Variants in DSCAM observed in about 807,000 individuals in gnomAD.
DSCAM encodes the protein DS cell adhesion molecule.
A neutral mutation model predicts 217.7 loss-of-function variants in DSCAM; 47 were observed. That is an observed-to-expected ratio of 0.22 (90% CI 0.17 to 0.28). The LOEUF is 0.28. Ranked by LOEUF, DSCAM falls within the 10% of genes least tolerant of loss-of-function variation. The pLI, the probability that DSCAM is intolerant of heterozygous loss-of-function variation, is 1.00. For missense variants in DSCAM, 2,080 were observed against 2,618.3 expected (o/e 0.79, Z 4.49); for synonymous variants, 1,056 against 1,015.3 (o/e 1.04, Z -0.76).
intron 1 of DSCAM, among the ~76,000 whole-genome samples, chr21:40,730,094 C>T (rs372582465): frequency 7.9e-5 from 12 of 152,142 alleles, no homozygotes; most frequent in African/African-American, 2.4e-4. Context: ...AGCAGAAACC[C>T]GTAGCCACTC....
intron 3 of DSCAM, among the ~76,000 whole-genome samples, chr21:40,638,788 T>C (rs763486782): frequency 6.6e-6 from 1 of 152,204 alleles, no homozygotes; most frequent in Non-Finnish European, 1.5e-5. Flanking sequence ...TGGCAAACTG[T>C]CACCACATTT....
rs752964469 is a variant in DSCAM at position 40,822,147 on chromosome 21, C to T, written c.43+24472G>A. On this transcript the variant is annotated intron_variant, in intron 1 of 32. Coordinates refer to ENST00000400454, the MANE Select transcript of DSCAM (RefSeq NM_001389.5). ...CAGCCTGGCCAACATGGTGAAACCC[C>T]GTCTCTACTAAAAGTACAAAAATTA... is the stretch of plus-strand genomic sequence containing the variant. 9.3e-5 allele frequency among the ~76,000 whole-genome samples: 14 copies of T among 151,218 alleles called. No individual in the cohort carries two copies. The East Asian group carries it at 1.2e-3, about 13-fold the overall frequency.
At chr21:40,545,568 T>C (rs1391847608) in intron 3 of DSCAM, among the ~76,000 whole-genome samples, 4 of 152,042 alleles carry the variant, frequency 2.6e-5, no homozygotes, top group Admixed American at 2.0e-4. Flanking sequence ...CAAAGAGGCA[T>C]GACCTTTGCA....
intron 3 of DSCAM, among the ~76,000 whole-genome samples, chr21:40,663,127 TGTG>T (rs779947294): frequency 1.8e-5 from 2 of 110,820 alleles, no homozygotes; most frequent in Admixed American, 1.1e-4. Context: ...GTGTATGTCA[TGTG>T]GTGTGTGCAT....
intron 3 of DSCAM, among the ~76,000 whole-genome samples, chr21:40,505,937 T>A (rs2076206932): frequency 6.6e-6 from 1 of 152,170 alleles, no homozygotes; most frequent in African/African-American, 2.4e-5. Flanking sequence ...AGTAGCTGTA[T>A]CTGACTCATT....
In DSCAM at chr21:40,018,251, C is replaced by T. The variant is rs138181505; in HGVS notation, c.5687-4865G>A. 2.7e-3 allele frequency among the ~76,000 whole-genome samples: 406 copies of T among 152,130 alleles called. 2 individuals are homozygous for T. The highest frequency in any genetic ancestry group is 9.5e-3 in the African/African-American group (394 of 41,508). On this transcript the variant is annotated intron_variant, in intron 32 of 32. Coordinates refer to ENST00000400454, the MANE Select transcript of DSCAM (RefSeq NM_001389.5). The stretch of plus-strand genomic sequence containing the variant: ...AATACACCTTAATTGACCAGTCTTG[C>T]GATTTGTAGTTTTATACATTCAATC...
chr21:40,575,958 A>C (rs910619167), intron 3 of DSCAM, among the ~76,000 whole-genome samples: 9 of 152,314 alleles, frequency 5.9e-5, no homozygotes, highest in Admixed American at 5.9e-4. Context: ...TACACACTAT[A>C]TTGGTTAAAA....
intron 3 of DSCAM, among the ~76,000 whole-genome samples, chr21:40,692,143 T>G (rs1478379241): frequency 6.6e-6 from 1 of 152,232 alleles, no homozygotes; most frequent in Admixed American, 6.5e-5. Flanking sequence ...TATCCAAGGA[T>G]GTAAGAACAG....
intron 10 of DSCAM, among the ~76,000 whole-genome samples, chr21:40,277,742 T>TG (rs1391418562): frequency 6.6e-6 from 1 of 150,672 alleles, no homozygotes; most frequent in Non-Finnish European, 1.5e-5. Flanking sequence ...CAAGTGATTC[T>TG]CCTGCTAATC....
intron 3 of DSCAM, among the ~76,000 whole-genome samples, chr21:40,646,357 G>A (rs1426741006): frequency 7.1e-6 from 1 of 140,838 alleles, no homozygotes; most frequent in Non-Finnish European, 1.6e-5. Flanking sequence ...GTTGCAGTGA[G>A]CTGAGAGCTT....
chr21:40,338,150 C>T lies in DSCAM; in HGVS notation c.1734G>A (p.Leu578=), dbSNP rs1039576205. The T allele has an allele frequency of 3.1e-6, 5 of 1,614,260 alleles. No homozygotes were observed. Among genetic ancestry groups the T allele is most frequent in the Non-Finnish European group, 4.2e-6 (5 of 1,180,056 alleles). Residue 578 remains leucine, a synonymous_variant, in exon 8 of 33, where the codon TTG becomes TTA. Transcript: ENST00000400454. ...GGCTGGTGGAGAGTTGTGGTTGAAC[C>T]AACACGTTGCACGTGTACTCCCCCT... The part of the protein sequence containing the change: ...VDEGEYTCNV[L]VQPQLSTSQS...
intron 3 of DSCAM, among the ~76,000 whole-genome samples, chr21:40,623,038 T>C (rs2089543936): frequency 6.6e-6 from 1 of 152,204 alleles, no homozygotes; most frequent in Admixed American, 6.5e-5. Flanking sequence ...TCCTGGAAGC[T>C]GCCGCTACCC....
intron 3 of DSCAM, among the ~76,000 whole-genome samples, chr21:40,452,424 AT>A (rs1173024389): frequency 6.6e-6 from 1 of 152,118 alleles, no homozygotes; most frequent in Non-Finnish European, 1.5e-5. Context: ...GGTTTATGAT[AT>A]TTAGTGAAGT....
chr21:40,701,990 T>A (rs530435721), intron 2 of DSCAM, among the ~76,000 whole-genome samples: 68 of 152,290 alleles, frequency 4.5e-4, no homozygotes, highest in Non-Finnish European at 7.8e-4. Context: ...TCTTACTGAT[T>A]TTCTGTCTAC....
chr21:40,403,466 A>T (rs2075255359), intron 3 of DSCAM, among the ~76,000 whole-genome samples: 1 of 152,134 alleles, frequency 6.6e-6, no homozygotes, highest in Non-Finnish European at 1.5e-5. Context: ...CAAAGAATAA[A>T]TTAAAGACAA....
At chr21:40,602,784 GT>G (rs1488406357) in intron 3 of DSCAM, among the ~76,000 whole-genome samples, 1 of 151,900 alleles carries the variant, frequency 6.6e-6, no homozygotes, top group Non-Finnish European at 1.5e-5. Flanking sequence ...CCAGATTTTA[GT>G]TTTGCTGATT....
At chr21:40,616,825 G>A (rs1167427501) in intron 3 of DSCAM, among the ~76,000 whole-genome samples, 2 of 151,856 alleles carry the variant, frequency 1.3e-5, no homozygotes, top group Admixed American at 6.6e-5. Context: ...AGACAATCCC[G>A]GCTAAAACGG....
intron 6 of DSCAM, among the ~76,000 whole-genome samples, chr21:40,342,745 CTTTTTTTT>C (rs1217476912): frequency 3.0e-5 from 2 of 67,134 alleles, no homozygotes; most frequent in Non-Finnish European, 5.3e-5. Context: ...CACACCACGC[CTTTTTTTT>C]TTTTTTTTTT....
chr21:40,370,528 T>C (rs1013623258), intron 3 of DSCAM, among the ~76,000 whole-genome samples: 11 of 152,234 alleles, frequency 7.2e-5, no homozygotes, highest in African/African-American at 2.7e-4. Flanking sequence ...TTTTGAGCTT[T>C]ACATATTTAA....
Sources: allele counts gnomAD v4.1 joint callset (sites outside exome capture counted in the v4.1 genomes callset), GRCh38; gene constraint gnomAD v4.1.1; transcripts MANE v1.5; gene names NCBI Gene and HGNC (gene_info 2026-07-23, HGNC 2026-07-21).